Variants in FOXP2 observed in about 807,000 individuals in gnomAD.
FOXP2 encodes the protein forkhead box protein P2.
Under a neutral mutation model 115.8 loss-of-function variants are expected in FOXP2, and 12 were observed. The observed-to-expected ratio is 0.10, with a 90% confidence interval of 0.07 to 0.17. The LOEUF is 0.17. Among genes scored for constraint, FOXP2 ranks in the 10% least tolerant of loss-of-function variants. The pLI is 1.00. For missense variants in FOXP2, 629 were observed against 843.5 expected, an observed-to-expected ratio of 0.75 and a Z score of 3.15; for synonymous variants, 328 against 297.7, an observed-to-expected ratio of 1.10 and a Z score of -1.05.
intron 2 of FOXP2, among the ~76,000 whole-genome samples, chr7:114,443,657 A>C (rs957680655): frequency 6.6e-6 from 1 of 152,128 alleles, no homozygotes; most frequent in African/African-American, 2.4e-5. Context: ...CCCACTTATA[A>C]GTGAGAACAT....
chr7:114,227,800 C>T (rs1794778567), intron 1 of FOXP2, among the ~76,000 whole-genome samples: 2 of 151,932 alleles, frequency 1.3e-5, no homozygotes, highest in Non-Finnish European at 2.9e-5. Flanking sequence ...AGACATGAAG[C>T]AGCGTTAATA....
chr7:114,364,674 T>G (rs1464836644), intron 2 of FOXP2, among the ~76,000 whole-genome samples: 2 of 152,184 alleles, frequency 1.3e-5, no homozygotes, highest in African/African-American at 4.8e-5. Flanking sequence ...ATCTAATTAG[T>G]TTACATTTAG....
At chr7:114,139,596 A>G (rs912282984) in intron 1 of FOXP2, among the ~76,000 whole-genome samples, 10 of 152,198 alleles carry the variant, frequency 6.6e-5, no homozygotes, top group Non-Finnish European at 1.3e-4. Context: ...TGACTGGTCA[A>G]ATATTCTCCA....
intron 3 of FOXP2, among the ~76,000 whole-genome samples, chr7:114,615,391 C>T (rs1159680369): frequency 1.3e-5 from 2 of 152,160 alleles, no homozygotes; most frequent in Admixed American, 6.5e-5. Flanking sequence ...TCTGACCCAA[C>T]CCTCCCTTAA....
intron 3 of FOXP2, among the ~76,000 whole-genome samples, chr7:114,544,666 T>C (rs2129283268): frequency 6.6e-6 from 1 of 152,336 alleles, no homozygotes; most frequent in South Asian, 2.1e-4. Context: ...ATCTGTTGTC[T>C]CACAGAAAGA....
At chr7:114,113,407 G>C (rs1791324349) in intron 1 of FOXP2, among the ~76,000 whole-genome samples, 1 of 152,122 alleles carries the variant, frequency 6.6e-6, no homozygotes, top group Non-Finnish European at 1.5e-5. Flanking sequence ...TTAGAGATGA[G>C]TTCTCACTCT....
Position 114,451,678 on chromosome 7 carries a change from A to T in FOXP2, c.168+24999A>T, listed in dbSNP as rs1232303826. Among the ~76,000 whole-genome samples, 5 of 152,084 alleles carry T rather than the reference A, an allele frequency of 3.3e-5. No individual in the cohort carries two copies. In the East Asian group the frequency reaches 9.6e-4, roughly 29 times the overall value. ...GATGGAGAAAGTACATCATTTACCT[A>T]GCACAGTATTTGGCTTATGGTAGCT... On this transcript the variant is annotated intron_variant, in intron 2 of 16. Coordinates refer to ENST00000350908, the MANE Select transcript of FOXP2 (RefSeq NM_014491.4).
chr7:114,302,009 T>C (rs1344714205), intron 2 of FOXP2, among the ~76,000 whole-genome samples: 4 of 152,160 alleles, frequency 2.6e-5, no homozygotes, highest in Admixed American at 1.3e-4. Flanking sequence ...GCAGAAATGA[T>C]TAAAGATAAA....
intron 2 of FOXP2, among the ~76,000 whole-genome samples, chr7:114,405,443 C>CA (rs1793013404): frequency 6.6e-6 from 1 of 151,764 alleles, no homozygotes; most frequent in South Asian, 2.1e-4. Context: ...TTGGACCTGA[C>CA]AATTGCTAAT....
At chr7:114,251,876 A>G (rs1377108037) in intron 1 of FOXP2, among the ~76,000 whole-genome samples, 2 of 152,170 alleles carry the variant, frequency 1.3e-5, no homozygotes, top group African/African-American at 4.8e-5. Context: ...GCCAGTTTTC[A>G]AAGGGAATGC....
chr7:114,365,449 A>G (rs1791853965), intron 2 of FOXP2, among the ~76,000 whole-genome samples: 2 of 152,150 alleles, frequency 1.3e-5, no homozygotes, highest in Non-Finnish European at 2.9e-5. Context: ...TACTAAATGT[A>G]AAATATAAAT....
intron 3 of FOXP2, among the ~76,000 whole-genome samples, chr7:114,551,531 C>T (rs573335365): frequency 6.6e-6 from 1 of 152,156 alleles, no homozygotes; most frequent in South Asian, 2.1e-4. Flanking sequence ...TTTTCTGCCT[C>T]CAGAGGCTTT....
chr7:114,162,072 C>G (rs117180900), upstream of FOXP2, among the ~76,000 whole-genome samples: 249 of 152,188 alleles, frequency 1.6e-3, 5 homozygotes, highest in East Asian at 0.045. Context: ...CGTGAGTCAC[C>G]ATGCCAGGCC....
chr7:114,168,569 A>G (rs1447879370), intron 1 of FOXP2, among the ~76,000 whole-genome samples: 1 of 152,178 alleles, frequency 6.6e-6, no homozygotes, highest in African/African-American at 2.4e-5. Context: ...TGTTAAAGGC[A>G]TTCAATTTCA....
intron 2 of FOXP2, among the ~76,000 whole-genome samples, chr7:114,403,075 T>A (rs975346606): frequency 6.6e-6 from 1 of 152,208 alleles, no homozygotes; most frequent in African/African-American, 2.4e-5. Flanking sequence ...AAATTCAGAA[T>A]TCCTTAGATT....
chr7:114,367,646 A>G (rs556322453), intron 2 of FOXP2, among the ~76,000 whole-genome samples: 3 of 152,142 alleles, frequency 2.0e-5, no homozygotes, highest in East Asian at 1.9e-4. Flanking sequence ...TTTGGAAGCC[A>G]TTTCCCCTGA....
intron 1 of FOXP2, among the ~76,000 whole-genome samples, chr7:114,142,477 A>C (rs1792244720): frequency 2.0e-5 from 3 of 152,310 alleles, no homozygotes; most frequent in African/African-American, 7.2e-5. Flanking sequence ...ATTTGAAATG[A>C]GGGGCTAGAT....
chr7:114,646,515 C>A (rs1441471905), intron 8 of FOXP2, among the ~76,000 whole-genome samples: 1 of 152,096 alleles, frequency 6.6e-6, no homozygotes, highest in East Asian at 1.9e-4. Context: ...AAAAGCATTT[C>A]CTTTCAATTA....
chr7:114,118,936 G>A (rs1791484309), intron 1 of FOXP2, among the ~76,000 whole-genome samples: 1 of 152,138 alleles, frequency 6.6e-6, no homozygotes, highest in South Asian at 2.1e-4. Flanking sequence ...ACAAAGGTTG[G>A]AAATGAAGGT....
Sources: allele counts gnomAD v4.1 joint callset (sites outside exome capture counted in the v4.1 genomes callset), GRCh38; gene constraint gnomAD v4.1.1; transcripts MANE v1.5; gene names NCBI Gene and HGNC (gene_info 2026-07-23, HGNC 2026-07-21).